The following RPS17 variants were observed in gnomAD, a reference collection of about 807,000 sequenced individuals.
RPS17 encodes ribosomal protein S17, also known as small ribosomal subunit protein eS17.
For synonymous variants in RPS17, 75 were observed against 65.6 expected (o/e 1.14, Z -0.70); for missense variants, 68 against 182.3 (o/e 0.37, Z 3.61).
Position 82,538,300 on chromosome 15 carries a change from A to G in RPS17, c.327+6T>C. The G allele has an allele frequency of 6.2e-7, 1 of 1,613,638 alleles. No individual in the cohort carries two copies. ...ATACCACTTTAGGAATCCAGCAAAC[A>G]CTTACCAAAAGCTTCAGCATTTCCT... On this transcript the variant is annotated splice_donor_region_variant and intron_variant, in intron 4 of 4. Transcript: ENST00000647841.
intron 4 of RPS17, 109 bp from the exon 5 acceptor site, chr15:82,536,990 G>A: frequency 7.5e-7 from 1 of 1,333,956 alleles, no homozygotes; most frequent in East Asian, 2.3e-5. Flanking sequence ...GGGGTCCAGA[G>A]GCGACCTGAA....
chr15:82,539,656 T>A (rs1168339754), intron 2 of RPS17: 1 of 435,712 alleles, frequency 2.3e-6, no homozygotes, highest in Non-Finnish European at 4.2e-6. Context: ...GCCACTGCAC[T>A]CTAGCCTGGG....
intron 1 of RPS17, 71 bp from the exon 2 acceptor site, chr15:82,540,203 C>T (rs2034323134): frequency 1.2e-6 from 2 of 1,612,518 alleles, no homozygotes; most frequent in African/African-American, 2.7e-5. Context: ...CGCCGAGCCC[C>T]GGCCGGTGTG....
rs1477868975 is a variant in RPS17, at chr15:82,538,384, G to T, written c.262-13C>A. 11 of 1,611,658 alleles carry T rather than the reference G, an allele frequency of 6.8e-6. No individual in the cohort carries two copies. The highest frequency in any genetic ancestry group is 8.5e-6 in the Non-Finnish European group (10 of 1,179,486). ...CCAAGGCTGAGACCTACAAGGAAAC[G>T]AGGTAGGGTCAAAATACCAATCAAT... On this transcript the variant is annotated splice_polypyrimidine_tract_variant and intron_variant, in intron 3 of 4. Transcript: ENST00000647841.
chr15:82,536,934 G>A, intron 4 of RPS17, 53 bp from the exon 5 acceptor site: 1 of 1,604,422 alleles, frequency 6.2e-7, no homozygotes, highest in Non-Finnish European at 8.5e-7. Flanking sequence ...TCTGTGAGTG[G>A]ACCCCAGAAG....
chr15:82,539,741 G>C, intron 2 of RPS17: 1 of 664,100 alleles, frequency 1.5e-6, no homozygotes, highest in South Asian at 1.8e-5. Flanking sequence ...AAGCAACGTA[G>C]CTTCAAAGCA....
intron 2 of RPS17, chr15:82,539,218 ACCCCCAACTCGCCCCG>A: frequency 4.8e-6 from 3 of 631,186 alleles, no homozygotes; most frequent in Admixed American, 2.2e-5. Flanking sequence ...CAAGCGCCCC[ACCCCCAACTCGCCCCG>A]CCCCGCCCCG....
chr15:82,537,023 G>A (rs899254911), intron 4 of RPS17, 142 bp from the exon 5 acceptor site: 21 of 837,902 alleles, frequency 2.5e-5, no homozygotes, highest in African/African-American at 2.5e-4. Flanking sequence ...AGCCAACAGG[G>A]TTCTCAATGC....
intron 2 of RPS17, chr15:82,539,479 G>T (rs1241095155): frequency 6.5e-6 from 3 of 458,540 alleles, no homozygotes; most frequent in Non-Finnish European, 1.3e-5. Flanking sequence ...CTTGAGGTCA[G>T]GTGTTCGAGA....
chr15:82,539,413 C>A, intron 2 of RPS17: 3 of 460,908 alleles, frequency 6.5e-6, no homozygotes, highest in South Asian at 1.5e-5. Flanking sequence ...TCCAGCCGGG[C>A]GAGGTGGCTC....
Position 82,540,439 on chromosome 15 carries a change from C to T in RPS17, c.-11G>A. 1 of 1,593,398 alleles carries T rather than the reference C, an allele frequency of 6.3e-7. No individual in the cohort carries two copies. The highest frequency in any genetic ancestry group is 8.5e-7 in the Non-Finnish European group (1 of 1,171,346). On this transcript the variant is annotated 5_prime_UTR_variant, in exon 1 of 5. Transcript: ENST00000647841. ...CAAAACACCTACCATGTTGGCGGGTCCTTGGTAAAAGAGGAAACAGGAAGC... is the reference window on the plus strand; with the variant it reads ...CAAAACACCTACCATGTTGGCGGGTTCTTGGTAAAAGAGGAAACAGGAAGC...
chr15:82,539,426 GC>G, intron 2 of RPS17: 1 of 460,348 alleles, frequency 2.2e-6, no homozygotes, highest in Admixed American at 2.3e-5. Flanking sequence ...GGTGGCTCAC[GC>G]CTGTAATCCC....
intron 2 of RPS17, chr15:82,539,254 G>A (rs1328715301): frequency 2.3e-5 from 14 of 605,952 alleles, no homozygotes; most frequent in South Asian, 2.0e-4. Context: ...GCAGTTTCAC[G>A]ACCCTTCACA....
At chr15:82,540,185 G>A (rs1217524517) in intron 1 of RPS17, 53 bp from the exon 2 acceptor site, 4 of 1,613,318 alleles carry the variant, frequency 2.5e-6, no homozygotes, top group African/African-American at 1.3e-5. Context: ...CTTCTGGGAA[G>A]AGTGCGGCGC....
intron 3 of RPS17, chr15:82,538,635 GAGCCACGACAGCA>G: frequency 3.1e-6 from 2 of 647,220 alleles, no homozygotes; most frequent in Admixed American, 2.6e-5. Flanking sequence ...GCAAACAATC[GAGCCACGACAGCA>G]GTCATCAAAT....
At chr15:82,540,362 A>T (rs1300736475) in intron 1 of RPS17, 64 bp downstream of exon 1, 1 of 1,584,860 alleles carries the variant, frequency 6.3e-7, no homozygotes, top group Non-Finnish European at 8.6e-7. Flanking sequence ...TGGGCTGAGG[A>T]CCGCGGGAAG....
chr15:82,539,225 A>ACCCCCCCCCCC, intron 2 of RPS17: 1 of 590,992 alleles, frequency 1.7e-6, no homozygotes, highest in African/African-American at 2.2e-5. Context: ...CCCACCCCCA[A>ACCCCCCCCCCC]CTCGCCCCGC....
intron 1 of RPS17, 89 bp downstream of exon 1, chr15:82,540,337 C>T (rs2034328224): frequency 1.3e-6 from 2 of 1,581,150 alleles, no homozygotes; most frequent in Admixed American, 1.9e-5. Flanking sequence ...GCCTTCCCGG[C>T]CCAGGGCCTC....
At chr15:82,537,630 C>T (rs944672058) in intron 4 of RPS17, 339 of 355,554 alleles carry the variant, frequency 9.5e-4, no homozygotes, top group Admixed American at 2.7e-3. Flanking sequence ...CTGCATTCAG[C>T]GCAGTGGTTA....
Sources: allele counts gnomAD v4.1 joint callset, GRCh38; gene constraint gnomAD v4.1.1; transcripts MANE v1.5; gene names NCBI Gene and HGNC (gene_info 2026-07-23, HGNC 2026-07-21).